The following CCDC171 variants were observed in gnomAD, a reference collection of about 807,000 sequenced individuals.
CCDC171 encodes coiled-coil domain-containing protein 171.
CCDC171 carries 177 observed loss-of-function variants against 168.2 expected under a neutral mutation model. The observed-to-expected ratio is 1.05, with a 90% CI of 0.93 to 1.19. The LOEUF is 1.19. Among genes scored for constraint, CCDC171 ranks in the 50% most tolerant of loss-of-function variants. The pLI, the probability that CCDC171 is intolerant of heterozygous loss-of-function variation, is 0.00. For synonymous variants in CCDC171, 687 were observed against 540.8 expected (o/e 1.27, Z -3.75); for missense variants, 1,991 against 1,539.0 (o/e 1.29, Z -4.91).
chr9:15,846,302 C>T (rs1047618244), intron 21 of CCDC171, among the ~76,000 whole-genome samples: 7 of 151,998 alleles, frequency 4.6e-5, no homozygotes, highest in Admixed American at 6.6e-5. Flanking sequence ...ATAGTTTGGG[C>T]ATATGATAGT....
chr9:15,608,944 CAAAAAAAAAAAA>C (rs71491669), intron 6 of CCDC171, among the ~76,000 whole-genome samples: 1 of 13,708 alleles, frequency 7.3e-5, no homozygotes, highest in East Asian at 2.8e-3. Context: ...GACCCTGTCT[CAAAAAAAAAAAA>C]AAAAAAAAAA....
intron 3 of CCDC171, among the ~76,000 whole-genome samples, chr9:16,011,496 A>G (rs909736875): frequency 2.0e-5 from 3 of 152,190 alleles, no homozygotes; most frequent in African/African-American, 4.8e-5. Flanking sequence ...TTGAAAAATG[A>G]CAGGCAAAAT....
chr9:15,772,090 AC>A (rs1235465091), intron 18 of CCDC171, among the ~76,000 whole-genome samples: 3 of 152,106 alleles, frequency 2.0e-5, no homozygotes, highest in Non-Finnish European at 4.4e-5. Context: ...AGCCTTGGCC[AC>A]CCAAAGTGCT....
chr9:15,887,594 C>T (rs995541402), intron 24 of CCDC171, among the ~76,000 whole-genome samples: 5 of 152,094 alleles, frequency 3.3e-5, no homozygotes, highest in South Asian at 2.1e-4. Context: ...GTTGAGAGAA[C>T]GCACTCAAAT....
chr9:15,606,636 C>T (rs2043248674), intron 6 of CCDC171, among the ~76,000 whole-genome samples: 1 of 152,114 alleles, frequency 6.6e-6, no homozygotes, highest in South Asian at 2.1e-4. Flanking sequence ...TGTAATTCTT[C>T]AGAATTGGAA....
At chr9:16,064,374 A>C (rs901038037), downstream of CCDC171, among the ~76,000 whole-genome samples, 1 of 151,934 alleles carries the variant, frequency 6.6e-6, no homozygotes, top group Admixed American at 6.6e-5. Flanking sequence ...TGCGAGAGAG[A>C]AGGTGAGGGG....
At chr9:15,982,363 C>T (rs529801624) in intron 3 of CCDC171, among the ~76,000 whole-genome samples, 4 of 152,138 alleles carry the variant, frequency 2.6e-5, no homozygotes, top group Non-Finnish European at 5.9e-5. Context: ...TCAGATTCCT[C>T]TCAGGGAAGA....
At chr9:16,068,384 A>G in the CCDC171 span, among the ~76,000 whole-genome samples, 1 of 152,138 alleles carries the variant, frequency 6.6e-6, no homozygotes, top group Admixed American at 6.5e-5. Context: ...CATACTGCCC[A>G]AGGTAATTTA....
Position 15,738,798 on chromosome 9 carries a change from T to G in CCDC171, c.2050-5475T>G, listed in dbSNP as rs151299941. On this transcript the variant is annotated intron_variant, in intron 16 of 25. Coordinates refer to ENST00000380701, the MANE Select transcript of CCDC171 (RefSeq NM_173550.4). ...ACATGTAGATAAGTTCCAAATTACA[T>G]TTGGAAATTTTGTTTTTTTAAATTA... Among the ~76,000 whole-genome samples, 193 of 152,298 alleles carry G rather than the reference T, an allele frequency of 1.3e-3. 1 individual carries two copies. Among genetic ancestry groups the G allele is most frequent in the African/African-American group, 4.4e-3 (183 of 41,574 alleles).
At chr9:15,958,824 G>C (rs1366271060) in intron 25 of CCDC171, among the ~76,000 whole-genome samples, 1 of 152,048 alleles carries the variant, frequency 6.6e-6, no homozygotes, top group African/African-American at 2.4e-5. Context: ...GTTATCCAAG[G>C]GGTCATAACA....
intron 22 of CCDC171, among the ~76,000 whole-genome samples, chr9:15,847,743 TG>T (rs1436957367): frequency 6.6e-6 from 1 of 152,108 alleles, no homozygotes; most frequent in Non-Finnish European, 1.5e-5. Flanking sequence ...GAATATAGTC[TG>T]TAAACTGCAG....
At chr9:15,690,356 CAGTA>C (rs757059117) in intron 10 of CCDC171, among the ~76,000 whole-genome samples, 1 of 151,952 alleles carries the variant, frequency 6.6e-6, no homozygotes, top group Non-Finnish European at 1.5e-5. Context: ...AGCAATGAAA[CAGTA>C]AGGAGTTCAA....
intron 25 of CCDC171, among the ~76,000 whole-genome samples, chr9:15,967,171 C>T (rs964739807): frequency 3.9e-5 from 6 of 152,094 alleles, no homozygotes; most frequent in Non-Finnish European, 7.4e-5. Flanking sequence ...AACTTTGTGA[C>T]ACTGAGTATT....
At chr9:15,988,974 C>T (rs868633947) in intron 3 of CCDC171, among the ~76,000 whole-genome samples, 9 of 152,142 alleles carry the variant, frequency 5.9e-5, no homozygotes, top group South Asian at 4.1e-4. Context: ...AGGAGGTCTG[C>T]CTGCCTCTGT....
intron 25 of CCDC171, among the ~76,000 whole-genome samples, chr9:15,951,328 T>TC (rs1301539638): frequency 2.0e-5 from 3 of 151,996 alleles, no homozygotes; most frequent in Non-Finnish European, 4.4e-5. Flanking sequence ...TACATTTTTT[T>TC]CAGCACCACA....
intron 11 of CCDC171, among the ~76,000 whole-genome samples, chr9:15,712,255 A>T (rs1018734440): frequency 1.9e-4 from 29 of 152,306 alleles, no homozygotes; most frequent in African/African-American, 6.0e-4. Context: ...GTGTTTAACC[A>T]CATATTTGGG....
At chr9:16,074,705 G>C in the CCDC171 span, among the ~76,000 whole-genome samples, 64 of 152,248 alleles carry the variant, frequency 4.2e-4, no homozygotes, top group African/African-American at 1.4e-3. Context: ...AGATATTCCA[G>C]GCAGAAGAAC....
chr9:15,638,238 A>G (rs139934693), intron 7 of CCDC171, among the ~76,000 whole-genome samples: 389 of 152,254 alleles, frequency 2.6e-3, no homozygotes, highest in African/African-American at 9.0e-3. Flanking sequence ...GATTTCTCAT[A>G]TTTAGATTCT....
rs2062015726 is a variant in CCDC171 at position 15,870,998 on chromosome 9, A to C, written c.3469-3534A>C. Reference sequence around the variant, plus strand: ...ATGGAACTGTTTTGACTTTTTAGAAAGTTTTATTTATTTTCTTCTCCTGTT... The same window carrying C: ...ATGGAACTGTTTTGACTTTTTAGAACGTTTTATTTATTTTCTTCTCCTGTT... On this transcript the variant is annotated intron_variant, in intron 23 of 25. Coordinates refer to ENST00000380701, the MANE Select transcript of CCDC171 (RefSeq NM_173550.4). Among the ~76,000 whole-genome samples, 4 of 151,300 alleles carry C rather than the reference A, an allele frequency of 2.6e-5. No individual in the cohort carries two copies. The South Asian group carries it at 8.3e-4, about 31-fold the overall frequency.
Sources: allele counts gnomAD v4.1 joint callset (sites outside exome capture counted in the v4.1 genomes callset), GRCh38; gene constraint gnomAD v4.1.1; transcripts MANE v1.5; gene names NCBI Gene and HGNC (gene_info 2026-07-23, HGNC 2026-07-21).